ST6GAL2: variants seen among roughly 807,000 people sequenced by gnomAD.
The protein encoded by ST6GAL2 is beta-galactoside alpha-2,6-sialyltransferase 2.
ST6GAL2 carries 24 observed loss-of-function variants against 37.5 expected under a neutral mutation model. The ratio of observed to expected loss-of-function variants is 0.64; its 90% CI spans 0.46 to 0.90. The LOEUF (loss-of-function observed/expected upper bound fraction) is 0.90, where lower values mean the gene tolerates loss of function less well. ST6GAL2 is among the 40% of genes least tolerant of loss of function. The probability of loss-of-function intolerance (pLI) is 0.00; values close to 1 mark genes in which losing one functional copy is unlikely to be tolerated. For missense variants in ST6GAL2, 715 were observed against 712.7 expected, an observed-to-expected ratio of 1.00 and a Z score of -0.04; for synonymous variants, 306 against 295.1, an observed-to-expected ratio of 1.04 and a Z score of -0.38.
chr2:106,878,501 C>T lies in ST6GAL2; in HGVS notation c.-58+7592G>A, dbSNP rs1678602150. On this transcript the variant is annotated intron_variant, in intron 1 of 5. Transcript: ENST00000409382. ...ACCAGGCTGAGCGTGGTGGCATGTG[C>T]CTGTAATCCCAACATTTTTGGAGGC... Among the ~76,000 whole-genome samples, 5 of 151,814 alleles carry T rather than the reference C, an allele frequency of 3.3e-5. No homozygotes were observed. The South Asian group carries it at 1.0e-3, about 32-fold the overall frequency.
rs1445173088 is a variant in ST6GAL2, at chr2:106,802,560, G to C, written c.*4118C>G. The C allele has an allele frequency of 6.6e-6, 1 of 152,140 alleles. No homozygotes were observed. The highest frequency in any genetic ancestry group is 2.4e-5 in the African/African-American group (1 of 41,432). 9.4% of individuals were successfully genotyped at this position (152,140 alleles called of 1,614,324 possible). On this transcript the variant is annotated 3_prime_UTR_variant, in exon 6 of 6. Transcript: ENST00000409382. ...TATCAAGTGTGTAAATAATGCCCAT[G>C]TGACAGAAACATGCATAATAATCTC...
chr2:106,849,247 C>A (rs1483841989), intron 1 of ST6GAL2, among the ~76,000 whole-genome samples: 1 of 151,870 alleles, frequency 6.6e-6, no homozygotes, highest in Admixed American at 6.6e-5. Context: ...CCCAACAGAC[C>A]CCCTCATGGC....
At chr2:106,879,066 C>T (rs1678631613) in intron 1 of ST6GAL2, among the ~76,000 whole-genome samples, 1 of 152,160 alleles carries the variant, frequency 6.6e-6, no homozygotes, top group South Asian at 2.1e-4. Flanking sequence ...CCTTCCATTA[C>T]CCCTTAAGAG....
intron 5 of ST6GAL2, among the ~76,000 whole-genome samples, chr2:106,820,564 G>T (rs972636393): frequency 6.6e-6 from 1 of 151,992 alleles, no homozygotes; most frequent in Non-Finnish European, 1.5e-5. Context: ...TTCAGCATTG[G>T]ACAGGTCATA....
rs557988253 is a variant in ST6GAL2 at position 106,856,376 on chromosome 2, A to G, written c.-57-12342T>C. The stretch of plus-strand genomic sequence containing the variant: ...GTCCCCAGTCCACTGAGAGACACGG[A>G]TCATGGTGTGAGTCTCTGTAGACCC... On this transcript the variant is annotated intron_variant, in intron 1 of 5. Coordinates refer to ENST00000409382, the MANE Select transcript of ST6GAL2 (RefSeq NM_001142351.2). Among the ~76,000 whole-genome samples, 168 of 152,296 alleles carry G rather than the reference A, an allele frequency of 1.1e-3. 4 individuals are homozygous for G. The South Asian group carries it at 0.018, about 16-fold the overall frequency.
intron 1 of ST6GAL2, among the ~76,000 whole-genome samples, chr2:106,867,619 A>C (rs1678088459): frequency 1.3e-5 from 2 of 151,894 alleles, no homozygotes; most frequent in African/African-American, 4.8e-5. Context: ...TTTTCCTCCT[A>C]ATACTTGATT....
intron 1 of ST6GAL2, among the ~76,000 whole-genome samples, chr2:106,856,319 C>T (rs956330617): frequency 6.6e-6 from 1 of 152,188 alleles, no homozygotes; most frequent in Admixed American, 6.5e-5. Context: ...TGGCTTCTCA[C>T]TCCACCTTTT....
chr2:106,817,547 G>A (rs941394023), intron 5 of ST6GAL2, among the ~76,000 whole-genome samples: 1 of 152,198 alleles, frequency 6.6e-6, no homozygotes, highest in African/African-American at 2.4e-5. Flanking sequence ...GAGCTGCTGG[G>A]TCTTGAATAA....
At chr2:106,878,082 A>G (rs1262804567) in intron 1 of ST6GAL2, among the ~76,000 whole-genome samples, 1 of 152,270 alleles carries the variant, frequency 6.6e-6, no homozygotes, top group Non-Finnish European at 1.5e-5. Flanking sequence ...CTGCATCCGC[A>G]GGTTCCACAT....
rs1433765610 is a variant in ST6GAL2, at chr2:106,802,899, A to C, written c.*3779T>G. On this transcript the variant is annotated 3_prime_UTR_variant, in exon 6 of 6. Transcript: ENST00000409382. ...AACTGACCACATGTACTGTGTGTTG[A>C]TCTATAAGAAAAACTGGAGAGAGAA... The C allele has an allele frequency of 6.6e-6, 1 of 152,180 alleles. No homozygotes were observed. The highest frequency in any genetic ancestry group is 1.9e-4 in the East Asian group (1 of 5,190). 9.4% of individuals were successfully genotyped at this position (152,180 alleles called of 1,614,324 possible). A position where few individuals can be genotyped will look rare whatever the true frequency, so the allele number is the denominator to read the frequency against.
chr2:106,811,943 C>A (rs749466746), intron 5 of ST6GAL2, among the ~76,000 whole-genome samples: 1 of 152,124 alleles, frequency 6.6e-6, no homozygotes, highest in Non-Finnish European at 1.5e-5. Flanking sequence ...CTTCAAGAAT[C>A]CACTCCCAGG....
intron 1 of ST6GAL2, among the ~76,000 whole-genome samples, chr2:106,879,647 A>G (rs949611843): frequency 4.0e-5 from 6 of 149,898 alleles, no homozygotes; most frequent in African/African-American, 1.5e-4. Flanking sequence ...GACCAATTAT[A>G]TACGTATCTA....
At chr2:106,873,152 T>C (rs1187669522) in intron 1 of ST6GAL2, among the ~76,000 whole-genome samples, 3 of 152,202 alleles carry the variant, frequency 2.0e-5, no homozygotes, top group Non-Finnish European at 4.4e-5. Context: ...TCCGTAGATG[T>C]CCCCAGCCCT....
intron 2 of ST6GAL2, among the ~76,000 whole-genome samples, chr2:106,842,579 C>G (rs1293569883): frequency 6.6e-6 from 1 of 152,220 alleles, no homozygotes; most frequent in African/African-American, 2.4e-5. Flanking sequence ...CTTCTGCTTT[C>G]TTGCCTCCTC....
chr2:106,846,509 A>T (rs1389871846), intron 1 of ST6GAL2, among the ~76,000 whole-genome samples: 1 of 152,208 alleles, frequency 6.6e-6, no homozygotes, highest in Non-Finnish European at 1.5e-5. Flanking sequence ...TTATACCCAT[A>T]ATAATTAAAA....
chr2:106,846,056 GCCA>G (rs1677131963), intron 1 of ST6GAL2, among the ~76,000 whole-genome samples: 2 of 151,844 alleles, frequency 1.3e-5, no homozygotes, highest in Admixed American at 6.6e-5. Flanking sequence ...AGCCATCCCA[GCCA>G]TCCCAGCCCA....
intron 1 of ST6GAL2, among the ~76,000 whole-genome samples, chr2:106,849,555 T>C (rs563233992): frequency 8.5e-5 from 13 of 152,306 alleles, no homozygotes; most frequent in African/African-American, 2.9e-4. Context: ...AGCTGTCTTT[T>C]GTGGGGGAAA....
rs1005089759 is a variant in ST6GAL2, at chr2:106,832,864, TA to T, written c.1042-199del. Among the ~76,000 whole-genome samples, 30 of 152,306 alleles carry T rather than the reference TA, an allele frequency of 2.0e-4. No homozygotes were observed. In the Middle Eastern group the frequency reaches 0.01, roughly 52 times the overall value. The stretch of plus-strand genomic sequence containing the variant: ...AATGTTTGAGGAAATTACTTTTTTT[TA>T]AAAAAAAGCACAAGTTCTGACATTT... On this transcript the variant is annotated intron_variant, in intron 3 of 5. Transcript: ENST00000409382.
upstream of ST6GAL2, chr2:106,886,883 G>C (rs1679023614): frequency 6.6e-6 from 1 of 152,088 alleles, no homozygotes; most frequent in South Asian, 2.1e-4. Context: ...GACTTGGGCT[G>C]CGTGGGGCGG....
Sources: allele counts gnomAD v4.1 joint callset (sites outside exome capture counted in the v4.1 genomes callset), GRCh38; gene constraint gnomAD v4.1.1; transcripts MANE v1.5; gene names NCBI Gene and HGNC (gene_info 2026-07-23, HGNC 2026-07-21).